The following HOXD10 variants were observed in gnomAD, a reference collection of about 807,000 sequenced individuals.
HOXD10 encodes homeobox protein Hox-D10.
A neutral mutation model predicts 27.0 loss-of-function variants in HOXD10; 15 were observed. The ratio of observed to expected loss-of-function variants is 0.56; its 90% CI spans 0.37 to 0.85. The LOEUF is 0.85. Among genes scored for constraint, HOXD10 ranks in the 40% least tolerant of loss-of-function variants. The pLI, the probability that HOXD10 is intolerant of heterozygous loss-of-function variation, is 0.00. For missense variants in HOXD10, 440 were observed against 430.4 expected (o/e 1.02, Z -0.20); for synonymous variants, 178 against 160.9 (o/e 1.11, Z -0.80).
In HOXD10 at chr2:176,117,303, C is replaced by A. The variant is rs187717603; in HGVS notation, c.470C>A (p.Thr157Asn). The A allele has an allele frequency of 3.7e-6, 6 of 1,613,426 alleles. No homozygotes were observed. The highest frequency in any genetic ancestry group is 5.1e-6 in the Non-Finnish European group (6 of 1,179,404). The change falls in exon 1 of 2, where the codon ACC becomes AAC. Residue 157 changes from threonine (T) to asparagine (N), a missense_variant. Physicochemically the swap from Thr to Asn is moderately conservative, Grantham distance 65. Coordinates refer to ENST00000249501, the MANE Select transcript of HOXD10 (RefSeq NM_002148.4). ...PVPGYFRLSQ[T>N]YATGKTQEYN... ...CCTGGATATTTTAGACTGAGTCAGACCTACGCCACCGGGAAAACCCAAGAG... is the reference window on the plus strand; with the variant it reads ...CCTGGATATTTTAGACTGAGTCAGAACTACGCCACCGGGAAAACCCAAGAG...
Position 176,119,282 on chromosome 2 carries a change from C to T in HOXD10, c.*51C>T, listed in dbSNP as rs748072688. The T allele has an allele frequency of 6.3e-7, 1 of 1,593,286 alleles. No individual in the cohort carries two copies. Among genetic ancestry groups the T allele is most frequent in the South Asian group, 1.1e-5 (1 of 90,312 alleles). On this transcript the variant is annotated 3_prime_UTR_variant, in exon 2 of 2. Coordinates refer to ENST00000249501, the MANE Select transcript of HOXD10 (RefSeq NM_002148.4). The stretch of plus-strand genomic sequence containing the variant: ...AGAGGCCAGGATTGGAGAGGGGGCA[C>T]CGCGTTCCAGGGCCCAGTGCTGGAG...
chr2:176,117,113 G>C lies in HOXD10; in HGVS notation c.280G>C (p.Val94Leu), dbSNP rs770870002. The C allele has an allele frequency of 3.7e-6, 6 of 1,614,198 alleles. No individual in the cohort carries two copies. In the East Asian group the frequency reaches 1.3e-4, roughly 36 times the overall value. ...CAGATCTTGTCGAATAGAGCAACCT[G>C]TTACACAGCAAGTCCCCACTTGCTC... Reference protein sequence around the residue: ...PNRSCRIEQPVTQQVPTCSFT... With the variant: ...PNRSCRIEQPLTQQVPTCSFT... The change falls in exon 1 of 2, where the codon GTT becomes CTT. Residue 94 changes from valine (V) to leucine (L), a missense_variant. By Grantham distance (32) the Val-to-Leu change is conservative. Coordinates refer to ENST00000249501, the MANE Select transcript of HOXD10 (RefSeq NM_002148.4).
chr2:176,119,464 T>TATATATATATATATATATAAAA lies in HOXD10; in HGVS notation c.*234_*235insTATATATATATATATATAAAAA, dbSNP rs886055159. On this transcript the variant is annotated 3_prime_UTR_variant, in exon 2 of 2. Coordinates refer to ENST00000249501, the MANE Select transcript of HOXD10 (RefSeq NM_002148.4). The stretch of plus-strand genomic sequence containing the variant: ...ATATATATATATATATATATATATA[T>TATATATATATATATATATAAAA]AAAAACTTAGCACGTGTAATTTATT... The TATATATATATATATATATAAAA allele has an allele frequency of 6.9e-6, 1 of 145,758 alleles. No homozygotes were observed. Among genetic ancestry groups the TATATATATATATATATATAAAA allele is most frequent in the Non-Finnish European group, 1.4e-5 (1 of 70,366 alleles). 9.0% of individuals were successfully genotyped at this position (145,758 alleles called of 1,614,324 possible).
At chr2:176,118,868 AC>A in intron 1 of HOXD10, 85 bp from the exon 2 acceptor site, 1 of 1,301,576 alleles carries the variant, frequency 7.7e-7, no homozygotes, top group Admixed American at 2.0e-5. Context: ...GAAAACCAAA[AC>A]CAAAACCAAA....
rs1260574604 is a variant in HOXD10, at chr2:176,116,942, C to A, written c.109C>A (p.Pro37Thr). The A allele has an allele frequency of 1.2e-6, 2 of 1,614,034 alleles. No individual in the cohort carries two copies. Among genetic ancestry groups the A allele is most frequent in the Non-Finnish European group, 8.5e-7 (1 of 1,180,032 alleles). Residue 37 changes from proline to threonine, a missense_variant, in exon 1 of 2, where the codon CCA becomes ACA. Coordinates refer to ENST00000249501, the MANE Select transcript of HOXD10 (RefSeq NM_002148.4). ...FYSSSASMYMPPPSADMGTYG... is the reference protein window; with the variant it reads ...FYSSSASMYMTPPSADMGTYG... Reference sequence around the variant, plus strand: ...TTCCAGCAGCGCCAGCATGTACATGCCACCACCTAGCGCAGACATGGGGAC... The same window carrying A: ...TTCCAGCAGCGCCAGCATGTACATGACACCACCTAGCGCAGACATGGGGAC...
At chr2:176,118,549 G>T (rs928306120) in intron 1 of HOXD10, among the ~76,000 whole-genome samples, 1 of 152,210 alleles carries the variant, frequency 6.6e-6, no homozygotes, top group Non-Finnish European at 1.5e-5. Context: ...GGCTTGTCCA[G>T]GTCGTGGCGT....
chr2:176,118,839 T>C, intron 1 of HOXD10, 115 bp from the exon 2 acceptor site: 1 of 938,182 alleles, frequency 1.1e-6, no homozygotes, highest in Non-Finnish European at 1.7e-6. Flanking sequence ...TTGAACAGTC[T>C]GAAGAAAAAA....
intron 1 of HOXD10, 111 bp from the exon 2 acceptor site, chr2:176,118,843 G>GA (rs1689809384): frequency 9.9e-7 from 1 of 1,015,160 alleles, no homozygotes. Flanking sequence ...ACAGTCTGAA[G>GA]AAAAAAACAA....
rs771690204 is a variant in HOXD10, at chr2:176,119,210, C to G, written c.1002C>G (p.Thr334=). 10 of 1,613,564 alleles carry G rather than the reference C, an allele frequency of 6.2e-6. No homozygotes were observed. Among genetic ancestry groups the G allele is most frequent in the Middle Eastern group, 1.7e-4 (1 of 5,892 alleles). Residue 334 remains threonine (T), a synonymous_variant, in exon 2 of 2, where the codon ACC becomes ACG. Coordinates refer to ENST00000249501, the MANE Select transcript of HOXD10 (RefSeq NM_002148.4). ...MSRENRIREL[T]ANLTFS ...GAGAGAACCGGATCCGAGAACTGACCGCCAACCTCACGTTTTCTTAGGTCT... is the reference window on the plus strand; with the variant it reads ...GAGAGAACCGGATCCGAGAACTGACGGCCAACCTCACGTTTTCTTAGGTCT...
intron 1 of HOXD10, 36 bp from the exon 2 acceptor site, chr2:176,118,918 T>C (rs571689388): frequency 1.3e-6 from 2 of 1,574,508 alleles, no homozygotes; most frequent in Non-Finnish European, 8.7e-7. Context: ...AAAAAACCTC[T>C]TGATTTTTTT....
At position 176,119,157 on chromosome 2, in the gene HOXD10, C is replaced by T. The variant is rs752807586; in HGVS notation, c.949C>T (p.Arg317Cys). ...GCAGGTCAAGATTTGGTTTCAAAAC[C>T]GCCGAATGAAACTCAAGAAGATGAG... ...DRQVKIWFQN[R>C]RMKLKKMSRE... is the part of the protein sequence containing the mutation. The change falls in exon 2 of 2, where the codon CGC (arginine) becomes TGC (cysteine). Residue 317 changes from arginine (R) to cysteine (C), a missense_variant. Physicochemically the swap from Arg to Cys is radical, Grantham distance 180 (BLOSUM62 -3). Coordinates refer to ENST00000249501, the MANE Select transcript of HOXD10 (RefSeq NM_002148.4). The T allele has an allele frequency of 5.0e-6, 8 of 1,613,850 alleles. No individual in the cohort carries two copies. Among genetic ancestry groups the T allele is most frequent in the Non-Finnish European group, 6.8e-6 (8 of 1,179,976 alleles).
At position 176,117,303 on chromosome 2, in the gene HOXD10, C is replaced by G. The variant is rs187717603; in HGVS notation, c.470C>G (p.Thr157Ser). The G allele has an allele frequency of 1.5e-5, 24 of 1,613,426 alleles. No homozygotes were observed. The Admixed American group carries it at 2.8e-4, about 19-fold the overall frequency. The change falls in exon 1 of 2, where the codon ACC (threonine) becomes AGC (serine). Residue 157 changes from threonine (T) to serine (S), a missense_variant. Thr to Ser is a moderately conservative substitution (Grantham distance 58). Transcript: ENST00000249501. ...PVPGYFRLSQ[T>S]YATGKTQEYN... ...CCTGGATATTTTAGACTGAGTCAGA[C>G]CTACGCCACCGGGAAAACCCAAGAG...
chr2:176,119,435 G>GTATATATATATGTATA lies in HOXD10; in HGVS notation c.*215_*216insGTATATATATATATAT, dbSNP rs1689828117. Reference sequence around the variant, plus strand: ...TGCAAGTGATCTGTAATCCCTATGAGTATATATATATATATATATATATAT... The same window carrying GTATATATATATGTATA: ...TGCAAGTGATCTGTAATCCCTATGAGTATATATATATGTATATATATATATATATATATATATATAT... On this transcript the variant is annotated 3_prime_UTR_variant, in exon 2 of 2. Coordinates refer to ENST00000249501, the MANE Select transcript of HOXD10 (RefSeq NM_002148.4). 1 of 177,804 alleles carries GTATATATATATGTATA rather than the reference G, an allele frequency of 5.6e-6. No homozygotes were observed. The highest frequency in any genetic ancestry group is 1.0e-5 in the Non-Finnish European group (1 of 95,632). 11.0% of individuals were successfully genotyped at this position (177,804 alleles called of 1,614,324 possible). A position where few individuals can be genotyped will look rare whatever the true frequency, so the allele number is the denominator to read the frequency against.
Position 176,117,099 on chromosome 2 carries a change from G to T in HOXD10, c.266G>T (p.Arg89Leu), listed in dbSNP as rs374700658. ...TGGACAGATCCGAACAGATCTTGTCGAATAGAGCAACCTGTTACACAGCAA... is the reference window on the plus strand; with the variant it reads ...TGGACAGATCCGAACAGATCTTGTCTAATAGAGCAACCTGTTACACAGCAA... Reference protein sequence around the residue: ...DSWTDPNRSCRIEQPVTQQVP... With the variant: ...DSWTDPNRSCLIEQPVTQQVP... The change falls in exon 1 of 2, where the codon CGA becomes CTA. Residue 89 changes from arginine to leucine, a missense_variant. Arg to Leu is a moderately radical substitution (Grantham distance 102). Transcript: ENST00000249501. The T allele has an allele frequency of 1.2e-6, 2 of 1,614,142 alleles. No homozygotes were observed. The highest frequency in any genetic ancestry group is 4.5e-5 in the East Asian group (2 of 44,880).
At chr2:176,117,700 T>C in intron 1 of HOXD10, 122 bp downstream of exon 1, 1 of 1,102,768 alleles carries the variant, frequency 9.1e-7, no homozygotes, top group Non-Finnish European at 1.4e-6. Flanking sequence ...CTCCGCCTGG[T>C]TTTAGAGGGG....
At position 176,119,182 on chromosome 2, in the gene HOXD10, G is replaced by C. The variant is rs778140250; in HGVS notation, c.974G>C (p.Ser325Thr). Residue 325 changes from serine to threonine, a missense_variant, in exon 2 of 2, where the codon AGC (serine) becomes ACC (threonine). Coordinates refer to ENST00000249501, the MANE Select transcript of HOXD10 (RefSeq NM_002148.4). ...CGCCGAATGAAACTCAAGAAGATGA[G>C]CCGAGAGAACCGGATCCGAGAACTG... Reference protein sequence around the residue: ...QNRRMKLKKMSRENRIRELTA... With the variant: ...QNRRMKLKKMTRENRIRELTA... The C allele has an allele frequency of 6.2e-7, 1 of 1,613,938 alleles. No individual in the cohort carries two copies. Among genetic ancestry groups the C allele is most frequent in the Non-Finnish European group, 8.5e-7 (1 of 1,180,006 alleles).
At position 176,117,191 on chromosome 2, in the gene HOXD10, C is replaced by A. The variant is rs558548040; in HGVS notation, c.358C>A (p.Arg120Ser). 6.2e-7 allele frequency: 1 copy of A among 1,613,762 alleles called. No individual in the cohort carries two copies. The highest frequency in any genetic ancestry group is 2.2e-5 in the East Asian group (1 of 44,886). ...CAATTGCTGCATGTATTCTGATAAGCGCAACAAACTCATTTCGGCCGAGGT... is the reference window on the plus strand; with the variant it reads ...CAATTGCTGCATGTATTCTGATAAGAGCAACAAACTCATTTCGGCCGAGGT... ...ESNCCMYSDK[R>S]NKLISAEVPS... is the part of the protein sequence containing the mutation. Residue 120 changes from arginine to serine, a missense_variant, in exon 1 of 2, where the codon CGC (arginine) becomes AGC (serine). Physicochemically the swap from Arg to Ser is moderately radical, Grantham distance 110. Transcript: ENST00000249501.
chr2:176,118,691 G>C (rs527700049), intron 1 of HOXD10, among the ~76,000 whole-genome samples: 39 of 152,296 alleles, frequency 2.6e-4, no homozygotes, highest in Non-Finnish European at 5.0e-4. Context: ...AATGCAGACT[G>C]TCCTGCCATC....
Position 176,117,338 on chromosome 2 carries a change from A to C in HOXD10, c.505A>C (p.Ser169Arg). ...CGGGAAAACCCAAGAGTACAATAAT[A>C]GCCCCGAAGGCAGCTCCACTGTCAT... ...ATGKTQEYNN[S>R]PEGSSTVMLQ... The change falls in exon 1 of 2, where the codon AGC becomes CGC. Residue 169 changes from serine to arginine, a missense_variant. Ser to Arg is a moderately radical substitution (Grantham distance 110). Transcript: ENST00000249501. 1 of 1,613,834 alleles carries C rather than the reference A, an allele frequency of 6.2e-7. No homozygotes were observed. The highest frequency in any genetic ancestry group is 8.5e-7 in the Non-Finnish European group (1 of 1,179,990).
Sources: allele counts gnomAD v4.1 joint callset (sites outside exome capture counted in the v4.1 genomes callset), GRCh38; gene constraint gnomAD v4.1.1; transcripts MANE v1.5; gene names NCBI Gene and HGNC (gene_info 2026-07-23, HGNC 2026-07-21).